Variants in SLC30A5 observed in about 807,000 individuals in gnomAD.
SLC30A5 encodes the protein solute carrier family 30 member 5.
Under a neutral mutation model 79.6 loss-of-function variants are expected in SLC30A5, and 33 were observed. That is an observed-to-expected ratio of 0.41 (90% CI 0.31 to 0.55). SLC30A5 has a LOEUF of 0.55. Ranked by LOEUF, SLC30A5 falls within the 20% of genes least tolerant of loss-of-function variation. SLC30A5 has a pLI of 0.20. For synonymous variants in SLC30A5, 299 were observed against 319.7 expected (o/e 0.94, Z 0.69); for missense variants, 788 against 928.1 (o/e 0.85, Z 1.96).
At position 69,130,536 on chromosome 5, in the gene SLC30A5, T is replaced by C. The variant is rs1300529573; in HGVS notation, c.*919T>C. 6.6e-6 allele frequency: 1 copy of C among 152,208 alleles called. No individual in the cohort carries two copies. The highest frequency in any genetic ancestry group is 1.5e-5 in the Non-Finnish European group (1 of 68,028). 9.4% of individuals were successfully genotyped at this position (152,208 alleles called of 1,614,324 possible). ...ATTCTCTGCCTATGTAGGTAACTTT[T>C]TTCTAATTTCTGGAACATATAGATA... On this transcript the variant is annotated 3_prime_UTR_variant, in exon 16 of 16. Transcript: ENST00000396591.
In SLC30A5 at chr5:69,116,571, G is replaced by A. The variant is rs1746379634; in HGVS notation, c.1250G>A (p.Arg417Lys). Reference protein sequence around the residue: ...LKQILEESDSRQIFYFLCLNL... With the variant: ...LKQILEESDSKQIFYFLCLNL... ...CAAATTCTTGAGGAGAGTGACTCTA[G>A]GCAGATCTTTTACTTCTTGTGCTTG... The change falls in exon 10 of 16, where the codon AGG becomes AAG. Residue 417 changes from arginine to lysine, a missense_variant. Transcript: ENST00000396591. The surrounding 1 kb of genome is among the most constrained non-coding windows in gnomAD (Gnocchi z 4.0). 1 of 1,581,344 alleles carries A rather than the reference G, an allele frequency of 6.3e-7. No individual in the cohort carries two copies. The highest frequency in any genetic ancestry group is 8.6e-7 in the Non-Finnish European group (1 of 1,168,910).
Position 69,129,823 on chromosome 5 carries a change from T to A in SLC30A5, c.*206T>A, listed in dbSNP as rs1746803739. The stretch of plus-strand genomic sequence containing the variant: ...GTGGAGTAATTATTTAAATTATGTG[T>A]ATAAAAGGAATCAAATTTTGAGTAA... On this transcript the variant is annotated 3_prime_UTR_variant, in exon 16 of 16. Transcript: ENST00000396591. 2.4e-6 allele frequency: 1 copy of A among 411,600 alleles called. No homozygotes were observed. The allele number at this position is 411,600 out of a possible 1,614,324, so 25.5% of individuals were successfully genotyped here.
chr5:69,114,008 C>T (rs1223794818), intron 6 of SLC30A5, among the ~76,000 whole-genome samples: 7 of 152,174 alleles, frequency 4.6e-5, no homozygotes, highest in Admixed American at 4.6e-4. Flanking sequence ...AGATTTAGGA[C>T]TCATTTTACA....
chr5:69,102,399 AG>A (rs1403534661), intron 2 of SLC30A5, among the ~76,000 whole-genome samples: 2 of 152,150 alleles, frequency 1.3e-5, no homozygotes, highest in East Asian at 3.9e-4. Flanking sequence ...TGTGAAAGGT[AG>A]GGATATATAA....
At chr5:69,105,645 G>A (rs1424846945) in intron 4 of SLC30A5, among the ~76,000 whole-genome samples, 2 of 150,274 alleles carry the variant, frequency 1.3e-5, no homozygotes, top group South Asian at 2.1e-4. Context: ...GCAACAGAGC[G>A]AGACTCCGTC....
intron 7 of SLC30A5, 149 bp downstream of exon 7, chr5:69,114,645 C>T: frequency 1.6e-6 from 1 of 609,210 alleles, no homozygotes; most frequent in African/African-American, 1.9e-5. Flanking sequence ...GCAGGTGGAT[C>T]ACCTGAGGTC....
intron 5 of SLC30A5, among the ~76,000 whole-genome samples, chr5:69,110,462 T>C (rs1419654101): frequency 6.6e-6 from 1 of 152,226 alleles, no homozygotes; most frequent in Non-Finnish European, 1.5e-5. Flanking sequence ...ATACTCTGCC[T>C]GTAGATTTCA....
At chr5:69,105,780 A>G (rs940824560) in intron 4 of SLC30A5, among the ~76,000 whole-genome samples, 8 of 152,216 alleles carry the variant, frequency 5.3e-5, no homozygotes, top group Admixed American at 4.6e-4. Flanking sequence ...GGGAGCAAGC[A>G]TTACTGCGTG....
chr5:69,094,615 G>A (rs1280002509), intron 1 of SLC30A5, among the ~76,000 whole-genome samples: 4 of 152,092 alleles, frequency 2.6e-5, no homozygotes, highest in African/African-American at 9.7e-5. Context: ...TCACGTGAGA[G>A]GTTTTTCTGA....
intron 14 of SLC30A5, among the ~76,000 whole-genome samples, chr5:69,127,537 G>T (rs1746735406): frequency 6.6e-6 from 1 of 151,754 alleles, no homozygotes; most frequent in African/African-American, 2.4e-5. Context: ...TCAGCTACTT[G>T]GGAGGCTGAG....
chr5:69,115,167 ATCATGT>A, intron 7 of SLC30A5, 64 bp from the exon 8 acceptor site: 1 of 743,904 alleles, frequency 1.3e-6, no homozygotes, highest in Non-Finnish European at 2.1e-6. Context: ...AAAAAAAAAG[ATCATGT>A]ATTTAACGAC....
intron 3 of SLC30A5, chr5:69,104,085 A>C: frequency 2.0e-6 from 3 of 1,510,556 alleles, no homozygotes; most frequent in Non-Finnish European, 2.7e-6. Context: ...AGATTTCAAA[A>C]TCTACCAGCA....
intron 14 of SLC30A5, 118 bp from the exon 15 acceptor site, chr5:69,127,886 G>T: frequency 1.2e-6 from 1 of 818,030 alleles, no homozygotes; most frequent in Non-Finnish European, 1.9e-6. Flanking sequence ...ATTTTAAAGA[G>T]CTTAATAGTG....
chr5:69,106,580 G>T (rs879929682), intron 4 of SLC30A5, among the ~76,000 whole-genome samples: 3 of 152,064 alleles, frequency 2.0e-5, no homozygotes, highest in Non-Finnish European at 4.4e-5. Flanking sequence ...AAGCCGAGGT[G>T]GGCAGATAGC....
At chr5:69,119,946 G>A (rs566560162) in intron 12 of SLC30A5, among the ~76,000 whole-genome samples, 1 of 147,446 alleles carries the variant, frequency 6.8e-6, no homozygotes, top group East Asian at 2.0e-4. Flanking sequence ...CTTCAACCAC[G>A]AGGCAGAGGC....
Position 69,094,318 on chromosome 5 carries a change from G to C in SLC30A5, c.63G>C (p.Pro21=). The C allele has an allele frequency of 8.0e-7, 1 of 1,253,818 alleles. No homozygotes were observed. Among genetic ancestry groups the C allele is most frequent in the East Asian group, 3.2e-5 (1 of 31,722 alleles). The allele number at this position is 1,253,818 out of a possible 1,614,324, so 77.7% of individuals were successfully genotyped here. ...CCGGCGGCGGCGGCGGCCTTGGGCC[G>C]GTGGACGTACCCAGCGCTCGGTAAG... ...AGPGGGGGLG[P]VDVPSARLTK... The change falls in exon 1 of 16, where the codon CCG becomes CCC. Residue 21 remains proline, a synonymous_variant. Transcript: ENST00000396591.
At chr5:69,126,352 A>G (rs764319145) in intron 14 of SLC30A5, among the ~76,000 whole-genome samples, 13 of 152,138 alleles carry the variant, frequency 8.5e-5, no homozygotes, top group Admixed American at 2.0e-4. Flanking sequence ...GGGTTTCTCA[A>G]TGTTGCCCGG....
chr5:69,108,405 T>C lies in SLC30A5; in HGVS notation c.416T>C (p.Leu139Ser). 1.2e-6 allele frequency: 2 copies of C among 1,613,948 alleles called. No individual in the cohort carries two copies. The highest frequency in any genetic ancestry group is 1.7e-5 in the Admixed American group (1 of 60,018). Reference protein sequence around the residue: ...DIVVISLLSVLFTSSGGGPAK... With the variant: ...DIVVISLLSVSFTSSGGGPAK... Reference sequence around the variant, plus strand: ...GTTGTCATTTCACTACTCAGTGTTTTGTTCACCAGTTCTGGAGGAGGACCA... The same window carrying C: ...GTTGTCATTTCACTACTCAGTGTTTCGTTCACCAGTTCTGGAGGAGGACCA... Residue 139 changes from leucine (L) to serine (S), a missense_variant, in exon 5 of 16, where the codon TTG (leucine) becomes TCG (serine). Transcript: ENST00000396591.
At chr5:69,114,291 G>A in intron 6 of SLC30A5, 129 bp from the exon 7 acceptor site, 1 of 493,742 alleles carries the variant, frequency 2.0e-6, no homozygotes, top group Non-Finnish European at 3.6e-6. Context: ...GTTATTGAAA[G>A]TAATTAAGTT....
Sources: gnomAD v4.1 joint callset for allele counts (sites outside exome capture counted in the v4.1 genomes callset) on GRCh38, gnomAD v4.1.1 for gene constraint, Gnocchi (gnomAD v3.1) non-coding constraint, MANE v1.5 for transcripts, NCBI Gene and HGNC (gene_info 2026-07-23, HGNC 2026-07-21) for gene names.